ZBBX: variants seen among roughly 807,000 people sequenced by gnomAD.
ZBBX encodes the protein zinc finger B-box domain-containing protein 1.
A neutral mutation model predicts 108.5 loss-of-function variants in ZBBX; 101 were observed. The ratio of observed to expected loss-of-function variants is 0.93; its 90% CI spans 0.79 to 1.10. The LOEUF is 1.10. Among genes scored for constraint, ZBBX ranks in the 50% least tolerant of loss-of-function variants. The pLI is 0.00. For missense variants in ZBBX, 1,009 were observed against 941.4 expected (o/e 1.07, Z -0.94); for synonymous variants, 356 against 323.4 (o/e 1.10, Z -1.08).
intron 5 of ZBBX, 122 bp from the exon 6 acceptor site, chr3:167,366,098 G>A: frequency 5.4e-6 from 3 of 555,652 alleles, no homozygotes; most frequent in South Asian, 7.9e-5. Context: ...CAGTAAACAA[G>A]CAAAACATGA....
chr3:167,268,822 T>C (rs1726027838), intron 20 of ZBBX, among the ~76,000 whole-genome samples: 1 of 152,146 alleles, frequency 6.6e-6, no homozygotes, highest in Admixed American at 6.5e-5. Flanking sequence ...GGGCAAAACT[T>C]GGTGGAACCA....
chr3:167,368,620 G>A (rs745807241), intron 4 of ZBBX, 46 bp from the exon 5 acceptor site: 1 of 1,453,564 alleles, frequency 6.9e-7, no homozygotes, highest in South Asian at 1.4e-5. Context: ...AACAAGCGAA[G>A]CCAAAATAAT....
At chr3:167,247,250 T>A (rs1164099082) in intron 20 of ZBBX, among the ~76,000 whole-genome samples, 1 of 152,042 alleles carries the variant, frequency 6.6e-6, no homozygotes, top group Admixed American at 6.5e-5. Context: ...CAAGAGGACG[T>A]CAAGCGATCA....
intron 1 of ZBBX, among the ~76,000 whole-genome samples, chr3:167,405,823 G>A (rs865921966): frequency 1.3e-5 from 2 of 152,310 alleles, no homozygotes; most frequent in Non-Finnish European, 2.9e-5. Flanking sequence ...TGTAATCCCA[G>A]CACTTTGTGA....
Position 167,274,772 on chromosome 3 carries a change from A to G in ZBBX, c.2254+7466T>C, listed in dbSNP as rs183031387. Among the ~76,000 whole-genome samples the G allele has an allele frequency of 6.1e-4, 93 of 152,246 alleles. 2 individuals are homozygous for G. The highest frequency in any genetic ancestry group is 4.7e-3 in the Admixed American group (72 of 15,296). On this transcript the variant is annotated intron_variant, in intron 20 of 21. Coordinates refer to ENST00000675490, the MANE Select transcript of ZBBX (RefSeq NM_001199201.2). ...CGTCCCCCTCCTTTCCATATTTAGA[A>G]AAATATTTACAAGTAGCCAATCAGA...
rs60742166 is a variant in ZBBX, at chr3:167,309,598, G to A, written c.1418-3648C>T. On this transcript the variant is annotated intron_variant, in intron 16 of 21. Transcript: ENST00000675490. The stretch of plus-strand genomic sequence containing the variant: ...TGCACCCTCTGAATCCAAGGTCCAA[G>A]CTGTATCTTGGCCCCTTTTAACCCT... 6.1e-3 allele frequency among the ~76,000 whole-genome samples: 934 copies of A among 152,340 alleles called. 6 individuals are homozygous for A. The highest frequency in any genetic ancestry group is 0.022 in the African/African-American group (906 of 41,580).
intron 20 of ZBBX, among the ~76,000 whole-genome samples, chr3:167,242,986 T>G (rs1361986813): frequency 1.3e-5 from 2 of 152,182 alleles, no homozygotes; most frequent in Non-Finnish European, 2.9e-5. Context: ...CTGTTGGACA[T>G]TTTGTTATCT....
chr3:167,234,680 T>C, the ZBBX span, among the ~76,000 whole-genome samples: 2 of 151,756 alleles, frequency 1.3e-5, no homozygotes, highest in Non-Finnish European at 2.9e-5. Flanking sequence ...TAGCTATTGA[T>C]CAGTAATAAA....
intron 1 of ZBBX, chr3:167,401,536 AG>A (rs2108643407): frequency 6.6e-6 from 1 of 152,300 alleles, no homozygotes; most frequent in South Asian, 2.1e-4. Context: ...ATGCTAAACA[AG>A]GGGTGAATTA....
intron 21 of ZBBX, among the ~76,000 whole-genome samples, chr3:167,241,843 A>G (rs1047836073): frequency 3.9e-5 from 6 of 152,234 alleles, no homozygotes; most frequent in Middle Eastern, 3.2e-3. Context: ...TTAAATTTCA[A>G]TCAAAGAAAT....
intron 9 of ZBBX, among the ~76,000 whole-genome samples, chr3:167,343,682 T>C (rs753029691): frequency 2.0e-5 from 3 of 151,880 alleles, no homozygotes; most frequent in Non-Finnish European, 2.9e-5. Flanking sequence ...TACTGCTTCA[T>C]ATTACTAGGA....
At chr3:167,179,918 T>C in the ZBBX span, among the ~76,000 whole-genome samples, 1 of 152,252 alleles carries the variant, frequency 6.6e-6, no homozygotes, top group Non-Finnish European at 1.5e-5. Context: ...CAAGTAAGAC[T>C]ATTTATAAAG....
At chr3:167,226,140 A>T in the ZBBX span, among the ~76,000 whole-genome samples, 3 of 151,668 alleles carry the variant, frequency 2.0e-5, no homozygotes, top group African/African-American at 4.8e-5. Flanking sequence ...GATAATAATG[A>T]TAAAAATAAT....
chr3:167,330,636 G>A (rs923056618), intron 10 of ZBBX, among the ~76,000 whole-genome samples: 1 of 151,512 alleles, frequency 6.6e-6, no homozygotes, highest in African/African-American at 2.4e-5. Context: ...ATGCACTTGT[G>A]GTCCCAGTTA....
chr3:167,285,738 C>T lies in ZBBX; in HGVS notation c.1996+3129G>A, dbSNP rs77263553. ...TTTATCACCCTCTAAAACTGCCAGG[C>T]ACTGTGTCAGGATTGGGGTATTCAA... is the stretch of plus-strand genomic sequence containing the variant. On this transcript the variant is annotated intron_variant, in intron 19 of 21. Transcript: ENST00000675490. 8.2e-3 allele frequency among the ~76,000 whole-genome samples: 1,255 copies of T among 152,194 alleles called. 12 individuals are homozygous for T. The highest frequency in any genetic ancestry group is 0.013 in the Non-Finnish European group (872 of 68,000).
At chr3:167,221,995 G>C in the ZBBX span, among the ~76,000 whole-genome samples, 1 of 151,830 alleles carries the variant, frequency 6.6e-6, no homozygotes, top group South Asian at 2.1e-4. Flanking sequence ...CCACTATGGA[G>C]AACAGTTTGG....
At chr3:167,352,389 T>C (rs1742810509) in intron 8 of ZBBX, among the ~76,000 whole-genome samples, 1 of 151,548 alleles carries the variant, frequency 6.6e-6, no homozygotes, top group Admixed American at 6.6e-5. Context: ...ATATAGAAAA[T>C]GAATAAATTC....
At chr3:167,270,014 A>G (rs180855869) in intron 20 of ZBBX, among the ~76,000 whole-genome samples, 1 of 152,326 alleles carries the variant, frequency 6.6e-6, no homozygotes, top group East Asian at 1.9e-4. Flanking sequence ...GTCAGATTTT[A>G]GAACAAGTGC....
intron 17 of ZBBX, among the ~76,000 whole-genome samples, chr3:167,304,280 G>A (rs369357610): frequency 1.3e-5 from 2 of 152,124 alleles, no homozygotes; most frequent in African/African-American, 4.8e-5. Flanking sequence ...GTAAAAGATC[G>A]GGTTTCTTAA....
Sources: gnomAD v4.1 joint callset for allele counts (sites outside exome capture counted in the v4.1 genomes callset) on GRCh38, gnomAD v4.1.1 for gene constraint, MANE v1.5 for transcripts, NCBI Gene and HGNC (gene_info 2026-07-23, HGNC 2026-07-21) for gene names.